The following RORA variants were observed in gnomAD, a reference collection of about 807,000 sequenced individuals.
The protein encoded by RORA is RAR related orphan receptor A, also known as nuclear receptor ROR-alpha.
A neutral mutation model predicts 69.5 loss-of-function variants in RORA; 7 were observed. The observed-to-expected ratio is 0.10, with a 90% confidence interval of 0.06 to 0.19. RORA has a LOEUF of 0.19. Among genes scored for constraint, RORA ranks in the 10% least tolerant of loss-of-function variants. The pLI is 1.00. For synonymous variants in RORA, 261 were observed against 240.8 expected, an observed-to-expected ratio of 1.08 and a Z score of -0.78; for missense variants, 457 against 663.0, an observed-to-expected ratio of 0.69 and a Z score of 3.41.
intron 2 of RORA, among the ~76,000 whole-genome samples, chr15:60,618,865 A>G (rs1428553221): frequency 6.6e-6 from 1 of 152,150 alleles, no homozygotes; most frequent in Non-Finnish European, 1.5e-5. Context: ...AAGCTCATGC[A>G]TTTGTTTTTC....
At chr15:60,616,796 T>C (rs543041438) in intron 2 of RORA, among the ~76,000 whole-genome samples, 1 of 152,228 alleles carries the variant, frequency 6.6e-6, no homozygotes, top group African/African-American at 2.4e-5. Flanking sequence ...TCAGCTCGAC[T>C]AGCTGCAAGG....
intron 1 of RORA, among the ~76,000 whole-genome samples, chr15:60,833,050 G>T (rs569044004): frequency 1.4e-5 from 2 of 147,098 alleles, no homozygotes; most frequent in Non-Finnish European, 3.0e-5. Flanking sequence ...GACTACAGGC[G>T]CCCACCACCA....
At chr15:60,637,451 T>C (rs2069861643) in intron 2 of RORA, among the ~76,000 whole-genome samples, 2 of 152,190 alleles carry the variant, frequency 1.3e-5, no homozygotes, top group African/African-American at 4.8e-5. Flanking sequence ...TATATTTCAA[T>C]GTATTGAACT....
intron 1 of RORA, among the ~76,000 whole-genome samples, chr15:60,785,008 G>A (rs143307505): frequency 6.1e-4 from 93 of 152,254 alleles, no homozygotes; most frequent in African/African-American, 2.1e-3. Context: ...CCAACCCAAG[G>A]ATGTGGAAGT....
chr15:61,125,415 A>G (rs935848876), intron 1 of RORA, among the ~76,000 whole-genome samples: 3 of 152,358 alleles, frequency 2.0e-5, no homozygotes, highest in African/African-American at 7.2e-5. Flanking sequence ...ATTACAAAAT[A>G]TGTCTATTCC....
chr15:60,760,088 GT>G (rs960461859), intron 1 of RORA, among the ~76,000 whole-genome samples: 5 of 151,294 alleles, frequency 3.3e-5, no homozygotes, highest in African/African-American at 1.2e-4. Context: ...TTGTATGTGT[GT>G]TTTTTTAAAA....
rs183311205 is a variant in RORA at position 60,739,802 on chromosome 15, T to C, written c.167-61116A>G. On this transcript the variant is annotated intron_variant, in intron 1 of 10. Coordinates refer to ENST00000335670, the MANE Select transcript of RORA (RefSeq NM_134261.3). The stretch of plus-strand genomic sequence containing the variant: ...TCTGGGAGCTGAGCCCCACTAGGTA[T>C]TGAGGAAGGAAACGATTTCTTTTTT... 3.9e-5 allele frequency among the ~76,000 whole-genome samples: 6 copies of C among 152,240 alleles called. No homozygotes were observed. In the East Asian group the frequency reaches 9.7e-4, roughly 25 times the overall value.
At chr15:60,869,324 T>C (rs892088012) in intron 1 of RORA, among the ~76,000 whole-genome samples, 1 of 152,156 alleles carries the variant, frequency 6.6e-6, no homozygotes, top group Non-Finnish European at 1.5e-5. Context: ...ATTTTTCTTT[T>C]CCATGAAAAT....
At chr15:60,632,353 C>T (rs1400568823) in intron 2 of RORA, among the ~76,000 whole-genome samples, 1 of 151,982 alleles carries the variant, frequency 6.6e-6, no homozygotes, top group African/African-American at 2.4e-5. Flanking sequence ...GTGATCTGCC[C>T]GCCTCGGCCT....
chr15:60,659,031 C>T (rs993157924), intron 2 of RORA, among the ~76,000 whole-genome samples: 3 of 152,130 alleles, frequency 2.0e-5, no homozygotes, highest in Non-Finnish European at 4.4e-5. Context: ...ATGCCGCAAA[C>T]CTGCTGCAGA....
chr15:60,679,358 T>G (rs1406329888), intron 1 of RORA, among the ~76,000 whole-genome samples: 1 of 152,196 alleles, frequency 6.6e-6, no homozygotes, highest in East Asian at 1.9e-4. Context: ...CCTTGATATT[T>G]CAGGATGATT....
intron 1 of RORA, chr15:60,682,141 C>A (rs1181724530): frequency 6.6e-6 from 1 of 152,126 alleles, no homozygotes; most frequent in East Asian, 1.9e-4. Flanking sequence ...CATGATGACA[C>A]TTAAAAGACT....
chr15:60,556,941 C>A, intron 2 of RORA: 1 of 1,603,628 alleles, frequency 6.2e-7, no homozygotes, highest in Non-Finnish European at 8.5e-7. Context: ...TGTTTGTCCA[C>A]CCCAATCCAA....
chr15:60,707,598 C>T (rs965962948), intron 1 of RORA, among the ~76,000 whole-genome samples: 11 of 152,068 alleles, frequency 7.2e-5, no homozygotes, highest in Non-Finnish European at 7.4e-5. Context: ...CTCCTGACCT[C>T]GTGATCTGTC....
At chr15:60,558,139 G>A in intron 2 of RORA, 2 of 929,866 alleles carry the variant, frequency 2.2e-6, no homozygotes, top group Non-Finnish European at 3.4e-6. Flanking sequence ...GCCACACCGG[G>A]GGAAAGGGAG....
chr15:60,597,559 T>A (rs1165638727), intron 2 of RORA, among the ~76,000 whole-genome samples: 3 of 38,514 alleles, frequency 7.8e-5, no homozygotes, highest in East Asian at 3.0e-3. Context: ...AACATATATA[T>A]ATATATATAT....
At chr15:60,780,245 C>T (rs1006198457) in intron 1 of RORA, among the ~76,000 whole-genome samples, 1 of 152,184 alleles carries the variant, frequency 6.6e-6, no homozygotes, top group African/African-American at 2.4e-5. Flanking sequence ...TTTGGAGACT[C>T]TTATGTCCAA....
chr15:61,100,118 T>C (rs1010974195), intron 1 of RORA, among the ~76,000 whole-genome samples: 2 of 148,624 alleles, frequency 1.3e-5, no homozygotes, highest in African/African-American at 5.0e-5. Flanking sequence ...TTTTCTTTTT[T>C]TTTTTTTTTT....
At chr15:61,081,482 C>G (rs778242993) in intron 1 of RORA, among the ~76,000 whole-genome samples, 21 of 152,074 alleles carry the variant, frequency 1.4e-4, no homozygotes, top group Admixed American at 5.9e-4. Flanking sequence ...GTATATTATT[C>G]CTTTTCTCTA....
Sources: allele counts gnomAD v4.1 joint callset (sites outside exome capture counted in the v4.1 genomes callset), GRCh38; gene constraint gnomAD v4.1.1; transcripts MANE v1.5; gene names NCBI Gene and HGNC (gene_info 2026-07-23, HGNC 2026-07-21).